The following RETREG1 variants were observed in gnomAD, a reference collection of about 807,000 sequenced individuals.
RETREG1 encodes the protein family with sequence similarity 134 member B.
A neutral mutation model predicts 54.8 loss-of-function variants in RETREG1; 44 were observed. The ratio of observed to expected loss-of-function variants is 0.80; its 90% confidence interval spans 0.63 to 1.03. The LOEUF (loss-of-function observed/expected upper bound fraction) is 1.03. Among genes scored for constraint, RETREG1 ranks in the 50% least tolerant of loss-of-function variants. RETREG1 has a pLI of 0.00. For synonymous variants in RETREG1, 217 were observed against 238.5 expected (o/e 0.91, Z 0.83); for missense variants, 554 against 605.1 (o/e 0.92, Z 0.89).
intron 1 of RETREG1, among the ~76,000 whole-genome samples, chr5:16,607,792 G>C (rs3103624): frequency 0.59 from 88,845 of 151,574 alleles, 26,603 homozygotes; most frequent in Non-Finnish European, 0.67. Flanking sequence ...CCCACCCTTT[G>C]AATTTGCAGC....
At chr5:16,610,747 C>T (rs1421124103) in intron 1 of RETREG1, among the ~76,000 whole-genome samples, 1 of 152,128 alleles carries the variant, frequency 6.6e-6, no homozygotes, top group Non-Finnish European at 1.5e-5. Flanking sequence ...ATTAAAAAGT[C>T]AGGAAACAAC....
At position 16,474,607 on chromosome 5, in the gene RETREG1, G is replaced by T; in HGVS notation, c.*134C>A. The T allele has an allele frequency of 9.5e-7, 1 of 1,055,820 alleles. No homozygotes were observed. The highest frequency in any genetic ancestry group is 1.4e-6 in the Non-Finnish European group (1 of 732,070). The allele number at this position is 1,055,820 out of a possible 1,614,324, so 65.4% of individuals were successfully genotyped here. A position where few individuals can be genotyped will look rare whatever the true frequency, so the allele number is the denominator to read the frequency against. ...TATATATCCAATTAATTCACTGCAGGAGGGAAAATAAAACAAATCTAAAGT... is the reference window on the plus strand; with the variant it reads ...TATATATCCAATTAATTCACTGCAGTAGGGAAAATAAAACAAATCTAAAGT... On this transcript the variant is annotated 3_prime_UTR_variant, in exon 9 of 9. Transcript: ENST00000306320.
chr5:16,535,152 C>G lies in RETREG1; in HGVS notation c.458+30611G>C, dbSNP rs1258074348. ...CTTATGTCACTTTTTTTTCTTCTCTCTCTCAAAGATATTTATATTTTATAC... is the reference window on the plus strand; with the variant it reads ...CTTATGTCACTTTTTTTTCTTCTCTGTCTCAAAGATATTTATATTTTATAC... On this transcript the variant is annotated intron_variant, in intron 3 of 8. Transcript: ENST00000306320. 2.0e-5 allele frequency among the ~76,000 whole-genome samples: 3 copies of G among 152,256 alleles called. No individual in the cohort carries two copies. In the East Asian group the frequency reaches 5.8e-4, roughly 29 times the overall value.
At chr5:16,589,073 T>G (rs1742690162) in intron 1 of RETREG1, among the ~76,000 whole-genome samples, 2 of 152,126 alleles carry the variant, frequency 1.3e-5, no homozygotes, top group African/African-American at 4.8e-5. Flanking sequence ...TACACAGACA[T>G]TCCTTTAGTA....
At position 16,539,484 on chromosome 5, in the gene RETREG1, C is replaced by T. The variant is rs376562382; in HGVS notation, c.458+26279G>A. On this transcript the variant is annotated intron_variant, in intron 3 of 8. Coordinates refer to ENST00000306320, the MANE Select transcript of RETREG1 (RefSeq NM_001034850.3). ...TTTCATAATCCCGGGCCCGGTCGGT[C>T]GGAGCGAGCCAGGAGACAAGGAAAG... Among the ~76,000 whole-genome samples the T allele has an allele frequency of 4.4e-3, 668 of 152,242 alleles. 4 individuals are homozygous for T. Among genetic ancestry groups the T allele is most frequent in the African/African-American group, 0.016 (646 of 41,524 alleles).
At chr5:16,558,738 T>C (rs1317013140) in intron 3 of RETREG1, among the ~76,000 whole-genome samples, 1 of 152,238 alleles carries the variant, frequency 6.6e-6, no homozygotes, top group Non-Finnish European at 1.5e-5. Flanking sequence ...TTACAACACA[T>C]GAATGTCAGA....
intron 3 of RETREG1, among the ~76,000 whole-genome samples, chr5:16,520,432 C>G (rs542162155): frequency 6.6e-6 from 1 of 152,170 alleles, no homozygotes; most frequent in South Asian, 2.1e-4. Context: ...CGCGTTCAAG[C>G]GATTCTCCTG....
intron 3 of RETREG1, among the ~76,000 whole-genome samples, chr5:16,489,563 A>C (rs904394575): frequency 6.6e-6 from 1 of 152,250 alleles, no homozygotes; most frequent in African/African-American, 2.4e-5. Flanking sequence ...ATAATGCTGC[A>C]ACAAAATGAA....
chr5:16,524,790 C>T (rs1016854600), intron 3 of RETREG1, among the ~76,000 whole-genome samples: 1 of 152,142 alleles, frequency 6.6e-6, no homozygotes, highest in Non-Finnish European at 1.5e-5. Context: ...GAGGAAGGGA[C>T]GTGCTGTGTC....
intron 3 of RETREG1, among the ~76,000 whole-genome samples, chr5:16,544,309 T>C (rs911070805): frequency 2.0e-4 from 30 of 152,210 alleles, no homozygotes; most frequent in African/African-American, 5.8e-4. Flanking sequence ...TTATACATTC[T>C]GGAAAAAATG....
At chr5:16,600,595 G>A (rs112762869) in intron 1 of RETREG1, among the ~76,000 whole-genome samples, 2,138 of 144,442 alleles carry the variant, frequency 0.015, 62 homozygotes, top group African/African-American at 0.05. Flanking sequence ...TCCCTGCCCC[G>A]CCCCCACAGG....
intron 1 of RETREG1, among the ~76,000 whole-genome samples, chr5:16,611,594 A>G (rs1743343778): frequency 6.6e-6 from 1 of 152,244 alleles, no homozygotes; most frequent in African/African-American, 2.4e-5. Context: ...GACACTTCAC[A>G]CAAAGATTTC....
At chr5:16,579,636 G>A (rs770989981) in intron 1 of RETREG1, among the ~76,000 whole-genome samples, 4 of 152,128 alleles carry the variant, frequency 2.6e-5, no homozygotes, top group Non-Finnish European at 5.9e-5. Flanking sequence ...CAAGCTCTTG[G>A]CAACCACTGA....
chr5:16,565,230 A>T (rs929977326), intron 3 of RETREG1, among the ~76,000 whole-genome samples: 2 of 152,130 alleles, frequency 1.3e-5, no homozygotes, highest in Non-Finnish European at 2.9e-5. Context: ...CTTCCATAAA[A>T]AGAGAGCTGA....
At chr5:16,551,463 T>C (rs774980324) in intron 3 of RETREG1, among the ~76,000 whole-genome samples, 29 of 152,318 alleles carry the variant, frequency 1.9e-4, no homozygotes, top group Middle Eastern at 3.4e-3. Flanking sequence ...TTGACTACCT[T>C]GGCCATGTTG....
chr5:16,616,277 A>G lies in RETREG1; in HGVS notation c.320+375T>C, dbSNP rs189000018. On this transcript the variant is annotated intron_variant, in intron 1 of 8. Coordinates refer to ENST00000306320, the MANE Select transcript of RETREG1 (RefSeq NM_001034850.3). ...GCCTGCTGGGGCTGCAAGAACCAAGACACGTTCAAGCACGTTTGCTCCGGC... is the reference window on the plus strand; with the variant it reads ...GCCTGCTGGGGCTGCAAGAACCAAGGCACGTTCAAGCACGTTTGCTCCGGC... 6.0e-5 allele frequency: 14 copies of G among 233,224 alleles called. No homozygotes were observed. In the East Asian group the frequency reaches 1.6e-3, roughly 26 times the overall value. 14.4% of individuals were successfully genotyped at this position (233,224 alleles called of 1,614,324 possible). A position where few individuals can be genotyped will look rare whatever the true frequency, so the allele number is the denominator to read the frequency against.
rs753737406 is a variant in RETREG1, at chr5:16,478,085, T to C, written c.822A>G (p.Glu274=). Residue 274 remains glutamate (E), a synonymous_variant, in exon 7 of 9, where the codon GAA becomes GAG. Transcript: ENST00000306320. ...ATTCACTGTCATCTTTGTGACTTTT[T>C]TCTTTGTCTGCTTCTGTTGAGGAAA... ...KKRERSEADK[E]KSHKDDSELD... is the part of the protein sequence containing the mutation. 6.2e-7 allele frequency: 1 copy of C among 1,611,080 alleles called. No homozygotes were observed. The highest frequency in any genetic ancestry group is 1.1e-5 in the South Asian group (1 of 90,804).
intron 1 of RETREG1, among the ~76,000 whole-genome samples, chr5:16,588,197 G>A (rs1044721170): frequency 6.6e-6 from 1 of 152,198 alleles, no homozygotes. Context: ...TGTGAAGGCT[G>A]GAAGTCTAAG....
At chr5:16,555,904 C>A (rs951730093) in intron 3 of RETREG1, among the ~76,000 whole-genome samples, 8 of 151,998 alleles carry the variant, frequency 5.3e-5, no homozygotes, top group Non-Finnish European at 1.0e-4. Context: ...ATCATTTTTT[C>A]TTTTATAATT....
Sources: gnomAD v4.1 joint callset for allele counts (sites outside exome capture counted in the v4.1 genomes callset) on GRCh38, gnomAD v4.1.1 for gene constraint, MANE v1.5 for transcripts, NCBI Gene and HGNC (gene_info 2026-07-23, HGNC 2026-07-21) for gene names.